PPP2R3A: variants seen among roughly 807,000 people sequenced by gnomAD.
PPP2R3A encodes the protein serine/threonine-protein phosphatase 2A regulatory subunit B'' subunit alpha.
PPP2R3A carries 80 observed loss-of-function variants against 106.9 expected under a neutral mutation model. The ratio of observed to expected loss-of-function variants is 0.75; its 90% CI spans 0.62 to 0.90. PPP2R3A has a LOEUF of 0.90. PPP2R3A is among the 40% of genes least tolerant of loss of function. The pLI, the probability that PPP2R3A is intolerant of heterozygous loss-of-function variation, is 0.00. For synonymous variants in PPP2R3A, 483 were observed against 468.3 expected (o/e 1.03, Z -0.41); for missense variants, 1,386 against 1,350.4 (o/e 1.03, Z -0.41).
At chr3:136,117,920 C>CA (rs1937839495) in intron 13 of PPP2R3A, among the ~76,000 whole-genome samples, 1 of 151,912 alleles carries the variant, frequency 6.6e-6, no homozygotes, top group Non-Finnish European at 1.5e-5. Context: ...AGAGACACAA[C>CA]AAAAAAAGAG....
chr3:135,969,126 G>A (rs760430160), intron 1 of PPP2R3A, among the ~76,000 whole-genome samples: 41 of 152,178 alleles, frequency 2.7e-4, no homozygotes, highest in Non-Finnish European at 4.1e-4. Context: ...TATGTAATGC[G>A]TGTATATGTG....
intron 10 of PPP2R3A, among the ~76,000 whole-genome samples, chr3:136,096,836 T>C (rs1937226916): frequency 6.6e-6 from 1 of 152,176 alleles, no homozygotes; most frequent in Non-Finnish European, 1.5e-5. Context: ...ATGGCTGTAG[T>C]CCCAGCTACT....
chr3:136,138,614 A>G (rs557338488), intron 13 of PPP2R3A, among the ~76,000 whole-genome samples: 27 of 143,850 alleles, frequency 1.9e-4, no homozygotes, highest in Middle Eastern at 4.0e-3. Context: ...TAGGATATCT[A>G]TTTTTAACTT....
At chr3:135,973,699 T>C (rs1177986860) in intron 1 of PPP2R3A, among the ~76,000 whole-genome samples, 1 of 152,174 alleles carries the variant, frequency 6.6e-6, no homozygotes, top group Non-Finnish European at 1.5e-5. Context: ...AGAATCCTCA[T>C]GTTTCACTCT....
At chr3:135,973,188 C>T (rs1254127329) in intron 1 of PPP2R3A, among the ~76,000 whole-genome samples, 1 of 152,140 alleles carries the variant, frequency 6.6e-6, no homozygotes, top group Non-Finnish European at 1.5e-5. Flanking sequence ...GTTGAAAGAG[C>T]TGTGTGATTT....
chr3:136,129,545 A>T (rs1207825158), intron 13 of PPP2R3A, among the ~76,000 whole-genome samples: 1 of 152,210 alleles, frequency 6.6e-6, no homozygotes, highest in Non-Finnish European at 1.5e-5. Context: ...AACCAAAAAA[A>T]GTCCAGGACC....
intron 1 of PPP2R3A, among the ~76,000 whole-genome samples, chr3:135,999,535 A>G (rs1933536159): frequency 6.6e-6 from 1 of 152,190 alleles, no homozygotes; most frequent in Non-Finnish European, 1.5e-5. Flanking sequence ...TAGCAGGGAA[A>G]GTAATCTTTG....
chr3:136,041,435 G>A (rs531818678), intron 4 of PPP2R3A, among the ~76,000 whole-genome samples: 2 of 151,604 alleles, frequency 1.3e-5, no homozygotes, highest in African/African-American at 4.8e-5. Context: ...TTTTTATAGA[G>A]ACTGGATCTC....
chr3:135,995,492 T>C (rs1916652), intron 1 of PPP2R3A, among the ~76,000 whole-genome samples: 2 of 147,420 alleles, frequency 1.4e-5, no homozygotes, highest in African/African-American at 5.1e-5. Flanking sequence ...TCTGTCTCTG[T>C]TGCCCAGACT....
At chr3:136,122,971 A>G (rs998447425) in intron 13 of PPP2R3A, among the ~76,000 whole-genome samples, 1 of 152,160 alleles carries the variant, frequency 6.6e-6, no homozygotes, top group Non-Finnish European at 1.5e-5. Flanking sequence ...AGTTTGGGGG[A>G]AAAAATCTTA....
At chr3:136,140,867 G>A (rs1938842254) in intron 13 of PPP2R3A, among the ~76,000 whole-genome samples, 1 of 152,214 alleles carries the variant, frequency 6.6e-6, no homozygotes, top group African/African-American at 2.4e-5. Flanking sequence ...CCGAGATCAC[G>A]CCGTTGCCCT....
chr3:136,094,881 CA>C (rs1937181480), intron 10 of PPP2R3A, among the ~76,000 whole-genome samples: 1 of 152,182 alleles, frequency 6.6e-6, no homozygotes, highest in Non-Finnish European at 1.5e-5. Flanking sequence ...ATTTTATAAA[CA>C]AAACCAGACA....
At chr3:135,993,122 T>A (rs1933244012) in intron 1 of PPP2R3A, among the ~76,000 whole-genome samples, 1 of 152,110 alleles carries the variant, frequency 6.6e-6, no homozygotes, top group African/African-American at 2.4e-5. Flanking sequence ...AATTAAAACC[T>A]CCTACTCTTC....
chr3:136,090,730 T>C (rs1272307396), intron 10 of PPP2R3A, 63 bp downstream of exon 10: 3 of 1,379,808 alleles, frequency 2.2e-6, no homozygotes, highest in African/African-American at 1.4e-5. Context: ...GAAAAAGTCA[T>C]GGTGTATATT....
At chr3:136,054,363 A>G (rs796689550) in intron 5 of PPP2R3A, among the ~76,000 whole-genome samples, 12 of 148,396 alleles carry the variant, frequency 8.1e-5, no homozygotes, top group African/African-American at 3.0e-4. Context: ...GGTTCAAGCA[A>G]TTCTCCTTCC....
chr3:136,030,774 A>ATGTATG (rs1553745390), intron 3 of PPP2R3A, among the ~76,000 whole-genome samples: 1 of 124,112 alleles, frequency 8.1e-6, no homozygotes, highest in Non-Finnish European at 1.6e-5. Context: ...ATATATATAT[A>ATGTATG]TATATATGTA....
intron 1 of PPP2R3A, among the ~76,000 whole-genome samples, chr3:135,994,855 A>T (rs1033847721): frequency 2.0e-5 from 3 of 152,146 alleles, no homozygotes; most frequent in South Asian, 4.1e-4. Flanking sequence ...TTTTTACCTG[A>T]TAAGGCTCTT....
At chr3:136,059,865 A>T (rs1451568418) in intron 5 of PPP2R3A, among the ~76,000 whole-genome samples, 1 of 152,230 alleles carries the variant, frequency 6.6e-6, no homozygotes, top group Non-Finnish European at 1.5e-5. Flanking sequence ...ACCCTTAGCA[A>T]ACCTAACACA....
chr3:136,106,589 A>G, intron 13 of PPP2R3A: 1 of 429,068 alleles, frequency 2.3e-6, no homozygotes, highest in Non-Finnish European at 4.2e-6. Context: ...TGTTTTAGTG[A>G]TATTGATAAA....
Sources: allele counts gnomAD v4.1 joint callset (sites outside exome capture counted in the v4.1 genomes callset), GRCh38; gene constraint gnomAD v4.1.1; transcripts MANE v1.5; gene names NCBI Gene and HGNC (gene_info 2026-07-23, HGNC 2026-07-21).